UBN2: variants seen among roughly 807,000 people sequenced by gnomAD.
UBN2 encodes the protein ubinuclein 2.
In UBN2, 35 loss-of-function variants were observed where a neutral mutation model predicts 120.2. The observed-to-expected ratio is 0.29, with a 90% CI of 0.22 to 0.39. The LOEUF is 0.39. Ranked by LOEUF, UBN2 falls within the 10% of genes least tolerant of loss-of-function variation. The pLI is 1.00. For synonymous variants in UBN2, 661 were observed against 648.7 expected, an observed-to-expected ratio of 1.02 and a Z score of -0.29; for missense variants, 1,693 against 1,663.2, an observed-to-expected ratio of 1.02 and a Z score of -0.31.
At chr7:139,243,314 T>C (rs1202850182) in intron 2 of UBN2, among the ~76,000 whole-genome samples, 2 of 152,194 alleles carry the variant, frequency 1.3e-5, no homozygotes, top group East Asian at 3.9e-4. Flanking sequence ...TCTTGTTGTT[T>C]GGAAAATAAG....
intron 14 of UBN2, 112 bp downstream of exon 14, chr7:139,282,167 T>G: frequency 1.3e-6 from 1 of 787,532 alleles, no homozygotes; most frequent in Non-Finnish European, 2.0e-6. Context: ...GTAATAGGCT[T>G]TTGCTTCTCA....
chr7:139,252,267 G>A (rs889824400), intron 3 of UBN2, among the ~76,000 whole-genome samples: 10 of 150,960 alleles, frequency 6.6e-5, no homozygotes, highest in African/African-American at 2.4e-4. Flanking sequence ...TGTCTGTGGT[G>A]AATTGTTATT....
intron 1 of UBN2, 112 bp downstream of exon 1, chr7:139,232,064 A>C (rs1017945433): frequency 1.9e-6 from 2 of 1,054,232 alleles, no homozygotes; most frequent in African/African-American, 3.4e-5. Context: ...GGTCGCCCCG[A>C]GGGTGGGGTG....
Position 139,231,696 on chromosome 7 carries a change from C to G in UBN2, c.212C>G (p.Pro71Arg), listed in dbSNP as rs1367800196. ...SDAQPPSREK[P>R]LPQREVSRAE... is the part of the protein sequence containing the mutation. ...GCGCAGCCCCCGTCGCGGGAGAAGC[C>G]GCTCCCCCAGCGCGAGGTCAGCCGC... Residue 71 changes from proline (P) to arginine (R), a missense_variant, in exon 1 of 18, where the codon CCG (proline) becomes CGG (arginine). By Grantham distance (103) the Pro-to-Arg change is moderately radical (BLOSUM62 -2). Coordinates refer to ENST00000473989, the MANE Select transcript of UBN2 (RefSeq NM_173569.4). The G allele has an allele frequency of 8.5e-7, 1 of 1,179,732 alleles. No homozygotes were observed. The highest frequency in any genetic ancestry group is 1.0e-6 in the Non-Finnish European group (1 of 957,678). The allele number at this position is 1,179,732 out of a possible 1,614,324, so 73.1% of individuals were successfully genotyped here. A position where few individuals can be genotyped will look rare whatever the true frequency, so the allele number is the denominator to read the frequency against.
intron 2 of UBN2, among the ~76,000 whole-genome samples, chr7:139,246,930 AT>A (rs1336242197): frequency 3.3e-5 from 5 of 152,004 alleles, no homozygotes; most frequent in Non-Finnish European, 7.4e-5. Context: ...CCTACTGTGG[AT>A]TATGTTCCAC....
the UBN2 span, among the ~76,000 whole-genome samples, chr7:139,325,265 T>G: frequency 3.9e-5 from 3 of 76,356 alleles, no homozygotes. Flanking sequence ...TCACTGCTTT[T>G]TTTTTTTTTT....
chr7:139,319,153 C>T, the UBN2 span, among the ~76,000 whole-genome samples: 2 of 152,300 alleles, frequency 1.3e-5, no homozygotes, highest in East Asian at 3.9e-4. Flanking sequence ...GCGATCTTGG[C>T]TCACTGAAAC....
Position 139,279,340 on chromosome 7 carries a change from G to A in UBN2, c.2047G>A (p.Ala683Thr), listed in dbSNP as rs757536682. 6.2e-7 allele frequency: 1 copy of A among 1,607,816 alleles called. No homozygotes were observed. The highest frequency in any genetic ancestry group is 1.1e-5 in the South Asian group (1 of 90,168). Residue 683 changes from alanine to threonine, a missense_variant, in exon 13 of 18, where the codon GCA (alanine) becomes ACA (threonine). Physicochemically the swap from Ala to Thr is moderately conservative, Grantham distance 58. Around this residue, in one of 5 missense-constraint regions of UBN2, gnomAD observed 837 missense variants for 817.6 expected, o/e 1.02. Coordinates refer to ENST00000473989, the MANE Select transcript of UBN2 (RefSeq NM_173569.4). The stretch of plus-strand genomic sequence containing the variant: ...TAGGGCAAAGAAAAAGGTGATTCCT[G>A]CACCTAAACCCAAAGTAAAGGTAAG... ...SAPAKKKVIP[A>T]PKPKVKEVMV...
intron 7 of UBN2, among the ~76,000 whole-genome samples, 183 bp from the exon 8 acceptor site, chr7:139,269,211 A>G (rs1487071386): frequency 1.3e-5 from 2 of 152,170 alleles, no homozygotes; most frequent in African/African-American, 4.8e-5. Flanking sequence ...CTCTGTCTCT[A>G]AATAAATAAA....
In UBN2 at chr7:139,266,360, A is replaced by G; in HGVS notation, c.1423A>G (p.Arg475Gly). 6.3e-7 allele frequency: 1 copy of G among 1,583,552 alleles called. No individual in the cohort carries two copies. Among genetic ancestry groups the G allele is most frequent in the Non-Finnish European group, 8.6e-7 (1 of 1,159,846 alleles). ...VAAKLFDEEG[R>G]KKFFTQDMNN... The stretch of plus-strand genomic sequence containing the variant: ...TGCCAAACTTTTTGATGAAGAAGGA[A>G]GGAAAAAATTCTTTACACAGGATAT... The change falls in exon 7 of 18, where the codon AGG (arginine) becomes GGG (glycine). Residue 475 changes from arginine to glycine, a missense_variant. Coordinates refer to ENST00000473989, the MANE Select transcript of UBN2 (RefSeq NM_173569.4).
intron 1 of UBN2, among the ~76,000 whole-genome samples, 150 bp from the exon 2 acceptor site, chr7:139,236,850 CATGTT>C (rs1442957993): frequency 2.0e-5 from 3 of 151,674 alleles, no homozygotes; most frequent in Admixed American, 6.6e-5. Context: ...AATTATATAA[CATGTT>C]ATATATTCTC....
chr7:139,245,228 C>T (rs1451232331), intron 2 of UBN2, among the ~76,000 whole-genome samples: 1 of 151,612 alleles, frequency 6.6e-6, no homozygotes, highest in African/African-American at 2.4e-5. Flanking sequence ...GCATGAGCCA[C>T]CTCGCCCAGC....
chr7:139,243,277 TAGCA>T (rs1796372099), intron 2 of UBN2, among the ~76,000 whole-genome samples: 1 of 152,156 alleles, frequency 6.6e-6, no homozygotes, highest in African/African-American at 2.4e-5. Flanking sequence ...ACTTTAGATA[TAGCA>T]AAATTCAAGG....
intron 6 of UBN2, among the ~76,000 whole-genome samples, chr7:139,265,186 C>T (rs897791798): frequency 6.6e-6 from 1 of 152,022 alleles, no homozygotes; most frequent in African/African-American, 2.4e-5. Flanking sequence ...TTCTTAGGAT[C>T]ACAACTTTTA....
At chr7:139,293,141 C>A in intron 15 of UBN2, 91 bp from the exon 16 acceptor site, 1 of 1,040,912 alleles carries the variant, frequency 9.6e-7, no homozygotes, top group Non-Finnish European at 1.4e-6. Flanking sequence ...AGATGTAAGG[C>A]ACAGTCTTGC....
At chr7:139,269,666 T>C (rs992775568) in intron 8 of UBN2, 143 bp downstream of exon 8, 4 of 866,178 alleles carry the variant, frequency 4.6e-6, no homozygotes, top group Non-Finnish European at 5.1e-6. Flanking sequence ...TAAAAGTATG[T>C]TGGATCCCCT....
intron 7 of UBN2, 57 bp downstream of exon 7, chr7:139,266,460 T>C (rs1210245037): frequency 3.8e-6 from 4 of 1,065,642 alleles, no homozygotes; most frequent in East Asian, 2.5e-5. Flanking sequence ...AAAAATGTAA[T>C]AGGCCTTTGA....
chr7:139,269,266 T>C, intron 7 of UBN2, 128 bp from the exon 8 acceptor site: 2 of 868,934 alleles, frequency 2.3e-6, no homozygotes, highest in Non-Finnish European at 1.7e-6. Context: ...ATTTTTTCCA[T>C]GAAGAATACT....
At chr7:139,272,706 T>C (rs1797319078) in intron 9 of UBN2, among the ~76,000 whole-genome samples, 1 of 152,112 alleles carries the variant, frequency 6.6e-6, no homozygotes, top group Non-Finnish European at 1.5e-5. Flanking sequence ...TTTGTATTTT[T>C]AGTAGAGACA....
Sources: gnomAD v4.1 joint callset for allele counts (sites outside exome capture counted in the v4.1 genomes callset) on GRCh38, gnomAD v4.1.1 for gene constraint, gnomAD v4.1.1 regional missense constraint, MANE v1.5 for transcripts, NCBI Gene and HGNC (gene_info 2026-07-23, HGNC 2026-07-21) for gene names.